SERPINI1: variants seen among roughly 807,000 people sequenced by gnomAD.
The protein encoded by SERPINI1 is serpin family I member 1.
In SERPINI1, 19 loss-of-function variants were observed where a neutral mutation model predicts 41.1. That is an observed-to-expected ratio of 0.46 (90% CI 0.32 to 0.68). The LOEUF is 0.68. Among genes scored for constraint, SERPINI1 ranks in the 30% least tolerant of loss-of-function variants. SERPINI1 has a pLI of 0.03. For synonymous variants in SERPINI1, 138 were observed against 156.6 expected (o/e 0.88, Z 0.89); for missense variants, 460 against 479.2 (o/e 0.96, Z 0.37).
chr3:167,785,202 C>A (rs1727267451), intron 1 of SERPINI1, among the ~76,000 whole-genome samples: 1 of 152,144 alleles, frequency 6.6e-6, no homozygotes, highest in South Asian at 2.1e-4. Context: ...TGAGATCTCA[C>A]CACTGCACTC....
At chr3:167,823,163 C>A in intron 7 of SERPINI1, 91 bp downstream of exon 7, 4 of 873,482 alleles carry the variant, frequency 4.6e-6, no homozygotes, top group Admixed American at 3.6e-5. Flanking sequence ...AAAATGAAGC[C>A]AAAAAAGTCA....
intron 1 of SERPINI1, among the ~76,000 whole-genome samples, chr3:167,786,055 C>G (rs1171490214): frequency 6.6e-6 from 1 of 152,188 alleles, no homozygotes; most frequent in Non-Finnish European, 1.5e-5. Context: ...TACGTAGCTC[C>G]TCGGCTACAA....
At chr3:167,800,507 T>C (rs1247027775) in intron 5 of SERPINI1, among the ~76,000 whole-genome samples, 2 of 152,210 alleles carry the variant, frequency 1.3e-5, no homozygotes, top group African/African-American at 4.8e-5. Context: ...TTTCAGTCTT[T>C]ACTGATATAG....
At chr3:167,800,136 A>G (rs964517376) in intron 5 of SERPINI1, 1 of 152,176 alleles carries the variant, frequency 6.6e-6, no homozygotes, top group Non-Finnish European at 1.5e-5. Flanking sequence ...AGATTGCTGT[A>G]CCTATTACCA....
chr3:167,787,608 C>T (rs1052475078), intron 1 of SERPINI1, among the ~76,000 whole-genome samples: 3 of 152,190 alleles, frequency 2.0e-5, no homozygotes, highest in African/African-American at 4.8e-5. Context: ...GAGCCTGCCC[C>T]GCAGCAGTGC....
chr3:167,800,966 C>T (rs1332775334), intron 5 of SERPINI1, among the ~76,000 whole-genome samples: 3 of 152,112 alleles, frequency 2.0e-5, no homozygotes, highest in Non-Finnish European at 4.4e-5. Context: ...TACAGGCATG[C>T]GCCACCATGT....
At chr3:167,750,860 A>G (rs1318891162) in intron 1 of SERPINI1, among the ~76,000 whole-genome samples, 1 of 152,166 alleles carries the variant, frequency 6.6e-6, no homozygotes, top group Non-Finnish European at 1.5e-5. Context: ...GGAATTGTCC[A>G]TATTTACTTC....
chr3:167,758,361 G>A (rs770477937), intron 1 of SERPINI1, among the ~76,000 whole-genome samples: 49 of 152,038 alleles, frequency 3.2e-4, no homozygotes, highest in African/African-American at 6.8e-4. Context: ...ATTATAGCCC[G>A]TAGAATAAAA....
chr3:167,821,446 G>A (rs1712323872), intron 6 of SERPINI1, among the ~76,000 whole-genome samples: 1 of 152,198 alleles, frequency 6.6e-6, no homozygotes, highest in Non-Finnish European at 1.5e-5. Flanking sequence ...TTCTGGTCCA[G>A]CTGCAGCCTA....
At chr3:167,780,473 CTG>C (rs1277847838) in intron 1 of SERPINI1, among the ~76,000 whole-genome samples, 1 of 152,198 alleles carries the variant, frequency 6.6e-6, no homozygotes, top group African/African-American at 2.4e-5. Flanking sequence ...TTTGAAAACA[CTG>C]TGATCTATTC....
intron 5 of SERPINI1, among the ~76,000 whole-genome samples, chr3:167,804,532 C>T (rs1181890324): frequency 6.6e-6 from 1 of 152,162 alleles, no homozygotes; most frequent in Non-Finnish European, 1.5e-5. Flanking sequence ...AATGCCTTTG[C>T]TTGTTTAAAA....
intron 5 of SERPINI1, among the ~76,000 whole-genome samples, chr3:167,796,587 T>C (rs1300886562): frequency 1.3e-5 from 2 of 152,248 alleles, no homozygotes; most frequent in South Asian, 4.1e-4. Context: ...AGCTCCCACT[T>C]ATAAGTGAGA....
At chr3:167,814,198 T>G (rs985731957) in intron 6 of SERPINI1, among the ~76,000 whole-genome samples, 7 of 152,218 alleles carry the variant, frequency 4.6e-5, no homozygotes, top group Non-Finnish European at 8.8e-5. Flanking sequence ...TATTGTTCTT[T>G]TATTTGATGT....
In SERPINI1 at chr3:167,747,380, C is replaced by G. The variant is rs547400063; in HGVS notation, c.-19+11557C>G. On this transcript the variant is annotated intron_variant, in intron 1 of 8. Coordinates refer to ENST00000446050, the MANE Select transcript of SERPINI1 (RefSeq NM_001122752.2). Reference sequence around the variant, plus strand: ...ACTAGATTGGCCGGGCACGGTGGCTCAAGCCTGTAATCCCAGCACTTTGGG... The same window carrying G: ...ACTAGATTGGCCGGGCACGGTGGCTGAAGCCTGTAATCCCAGCACTTTGGG... Among the ~76,000 whole-genome samples the G allele has an allele frequency of 4.1e-4, 63 of 152,292 alleles. 1 individual carries two copies. In the East Asian group the frequency reaches 0.012, roughly 28 times the overall value.
At chr3:167,749,674 G>C (rs749557086) in intron 1 of SERPINI1, among the ~76,000 whole-genome samples, 1 of 152,248 alleles carries the variant, frequency 6.6e-6, no homozygotes, top group Non-Finnish European at 1.5e-5. Context: ...CAGGAAATAA[G>C]CTTACAAACC....
chr3:167,736,080 T>A (rs1441192994), intron 1 of SERPINI1: 1 of 152,230 alleles, frequency 6.6e-6, no homozygotes, highest in Non-Finnish European at 1.5e-5. Context: ...ATCTGAAGAT[T>A]GAGAAAAATC....
At chr3:167,788,921 A>G (rs570817816) in intron 1 of SERPINI1, among the ~76,000 whole-genome samples, 190 bp from the exon 2 acceptor site, 8 of 152,216 alleles carry the variant, frequency 5.3e-5, no homozygotes, top group South Asian at 2.1e-4. Flanking sequence ...GTAACTATAC[A>G]TACTCTTAAC....
chr3:167,738,696 C>G (rs1053697137), intron 1 of SERPINI1, among the ~76,000 whole-genome samples: 1 of 151,492 alleles, frequency 6.6e-6, no homozygotes, highest in South Asian at 2.1e-4. Flanking sequence ...CAGTCTGATT[C>G]CAGTTAAAAT....
In SERPINI1 at chr3:167,761,830, A is replaced by G. The variant is rs565896069; in HGVS notation, c.-19+26007A>G. Among the ~76,000 whole-genome samples, 9 of 152,354 alleles carry G rather than the reference A, an allele frequency of 5.9e-5. No homozygotes were observed. The East Asian group carries it at 1.7e-3, about 29-fold the overall frequency. ...ATAAATTTGCAACACAAATGGGAACAGAGGAGAAGGTTTTCAATCTCTATT... is the reference window on the plus strand; with the variant it reads ...ATAAATTTGCAACACAAATGGGAACGGAGGAGAAGGTTTTCAATCTCTATT... On this transcript the variant is annotated intron_variant, in intron 1 of 8. Coordinates refer to ENST00000446050, the MANE Select transcript of SERPINI1 (RefSeq NM_001122752.2).
Sources: allele counts gnomAD v4.1 joint callset (sites outside exome capture counted in the v4.1 genomes callset), GRCh38; gene constraint gnomAD v4.1.1; transcripts MANE v1.5; gene names NCBI Gene and HGNC (gene_info 2026-07-23, HGNC 2026-07-21).